The following SLC16A12 variants were observed in gnomAD, a reference collection of about 807,000 sequenced individuals.
The protein encoded by SLC16A12 is monocarboxylate transporter 12.
SLC16A12 carries 17 observed loss-of-function variants against 42.4 expected under a neutral mutation model. That is an observed-to-expected ratio of 0.40 (90% CI 0.27 to 0.60). SLC16A12 has a LOEUF of 0.60. SLC16A12 is among the 20% of genes least tolerant of loss of function. The probability of loss-of-function intolerance (pLI) is 0.42; values close to 1 mark genes in which losing one functional copy is unlikely to be tolerated. For synonymous variants in SLC16A12, 224 were observed against 229.4 expected (o/e 0.98, Z 0.21); for missense variants, 544 against 623.0 (o/e 0.87, Z 1.35).
At chr10:89,452,867 C>T (rs945474843) in intron 3 of SLC16A12, among the ~76,000 whole-genome samples, 2 of 152,200 alleles carry the variant, frequency 1.3e-5, no homozygotes, top group Admixed American at 6.5e-5. Flanking sequence ...CAGCCATTGG[C>T]GGTGGGTGCC....
chr10:89,523,451 A>G (rs542624997), intron 2 of SLC16A12, among the ~76,000 whole-genome samples: 2 of 152,288 alleles, frequency 1.3e-5, no homozygotes, highest in African/African-American at 4.8e-5. Flanking sequence ...TTACTCTGGC[A>G]TTCTTAATTG....
chr10:89,510,687 T>C (rs970751553), intron 2 of SLC16A12, among the ~76,000 whole-genome samples: 9 of 152,102 alleles, frequency 5.9e-5, no homozygotes, highest in African/African-American at 2.2e-4. Flanking sequence ...ACTTCACGAC[T>C]AAAACACCAA....
rs1392492628 is a variant in SLC16A12, at chr10:89,462,399, G to T, written c.180C>A (p.Ile60=). 1.9e-5 allele frequency: 30 copies of T among 1,614,052 alleles called. No homozygotes were observed. The highest frequency in any genetic ancestry group is 2.5e-5 in the Non-Finnish European group (30 of 1,179,950). The stretch of plus-strand genomic sequence containing the variant: ...CCTACCTTGTGACTGCCCGTGTGCA[G>T]ATGGTAACAAGGAAACAGCCAGCCA... ...MIVAGCFLVT[I]CTRAVTRCIS... Residue 60 remains isoleucine, a synonymous_variant, in exon 3 of 8, where the codon ATC becomes ATA. Coordinates refer to ENST00000371790, the MANE Select transcript of SLC16A12 (RefSeq NM_213606.4).
chr10:89,510,131 A>T (rs1843140364), intron 2 of SLC16A12, among the ~76,000 whole-genome samples: 1 of 152,240 alleles, frequency 6.6e-6, no homozygotes, highest in Non-Finnish European at 1.5e-5. Context: ...GATAGGAAGG[A>T]TCAATATCGT....
At position 89,430,682 on chromosome 10, in the gene SLC16A12, C is replaced by A. The variant is rs1004262104; in HGVS notation, c.*2382G>T. 1.5e-5 allele frequency: 7 copies of A among 465,774 alleles called. 1 individual carries two copies. Among genetic ancestry groups the A allele is most frequent in the Non-Finnish European group, 3.1e-5 (7 of 225,898 alleles). 28.9% of individuals were successfully genotyped at this position (465,774 alleles called of 1,614,324 possible). On this transcript the variant is annotated 3_prime_UTR_variant, in exon 8 of 8. Transcript: ENST00000371790. ...TACTGATTTTCTAAAAATGCTGCCT[C>A]AAAAGGGAAAGTAAAATGCAAATCT...
chr10:89,541,307 G>A (rs746608872), intron 2 of SLC16A12, among the ~76,000 whole-genome samples: 1 of 152,036 alleles, frequency 6.6e-6, no homozygotes, highest in African/African-American at 2.4e-5. Flanking sequence ...CAAAAAACAT[G>A]GATTGAGGAT....
intron 6 of SLC16A12, among the ~76,000 whole-genome samples, chr10:89,436,924 G>C (rs1023074817): frequency 7.1e-6 from 1 of 141,428 alleles, no homozygotes; most frequent in African/African-American, 2.7e-5. Flanking sequence ...AAAAGAAAGA[G>C]TGCATAAATC....
At chr10:89,527,355 T>G (rs1328501667) in intron 2 of SLC16A12, among the ~76,000 whole-genome samples, 1 of 151,746 alleles carries the variant, frequency 6.6e-6, no homozygotes, top group African/African-American at 2.4e-5. Flanking sequence ...TGGTGGCAGG[T>G]GCCTGTAATC....
chr10:89,554,101 A>G (rs1157993410), intron 2 of SLC16A12, among the ~76,000 whole-genome samples: 1 of 138,670 alleles, frequency 7.2e-6, no homozygotes, highest in African/African-American at 2.8e-5. Flanking sequence ...AGAAAGAAAG[A>G]AGGAAGGAAG....
At chr10:89,478,941 C>T (rs572201904) in intron 2 of SLC16A12, among the ~76,000 whole-genome samples, 79 of 152,270 alleles carry the variant, frequency 5.2e-4, no homozygotes, top group African/African-American at 1.8e-3. Flanking sequence ...CACATCTGCC[C>T]TCCCATCTTA....
chr10:89,453,355 C>T (rs1291776071), intron 3 of SLC16A12, among the ~76,000 whole-genome samples: 1 of 152,184 alleles, frequency 6.6e-6, no homozygotes, highest in African/African-American at 2.4e-5. Flanking sequence ...ACCACTAGGA[C>T]TTCAATTTAA....
At chr10:89,484,837 A>G (rs1424278606) in intron 2 of SLC16A12, among the ~76,000 whole-genome samples, 1 of 152,198 alleles carries the variant, frequency 6.6e-6, no homozygotes, top group African/African-American at 2.4e-5. Context: ...TACAAGGGAA[A>G]TTCCACTCCC....
chr10:89,466,836 G>T (rs1842408415), intron 2 of SLC16A12, among the ~76,000 whole-genome samples: 1 of 152,134 alleles, frequency 6.6e-6, no homozygotes, highest in Admixed American at 6.5e-5. Flanking sequence ...GGCCCCTGGG[G>T]CAGTAAGATT....
In SLC16A12 at chr10:89,455,721, T is replaced by C. The variant is rs147936061; in HGVS notation, c.200+6658A>G. Among the ~76,000 whole-genome samples the C allele has an allele frequency of 2.6e-5, 4 of 152,310 alleles. No homozygotes were observed. The East Asian group carries it at 7.7e-4, about 29-fold the overall frequency. On this transcript the variant is annotated intron_variant, in intron 3 of 7. Transcript: ENST00000371790. ...ATTATTTTGGTTGTTCTTTGGAATA[T>C]TTTACAGTGAAGCAGGGTCCTGATC...
At chr10:89,436,788 A>AGAAAG (rs1474537954) in intron 6 of SLC16A12, among the ~76,000 whole-genome samples, 2 of 150,434 alleles carry the variant, frequency 1.3e-5, no homozygotes, top group Non-Finnish European at 3.0e-5. Context: ...AAAAAAAGAA[A>AGAAAG]GAAAGGAAAG....
intron 2 of SLC16A12, among the ~76,000 whole-genome samples, chr10:89,488,501 G>A (rs1398048637): frequency 1.3e-5 from 2 of 152,132 alleles, no homozygotes; most frequent in Non-Finnish European, 2.9e-5. Context: ...GTGCTAATAA[G>A]GACTTAGGAA....
At chr10:89,549,305 T>C (rs1200974456) in intron 2 of SLC16A12, among the ~76,000 whole-genome samples, 3 of 152,236 alleles carry the variant, frequency 2.0e-5, no homozygotes, top group Non-Finnish European at 2.9e-5. Context: ...TTCAGTTTCT[T>C]TGCAGTAAGT....
chr10:89,551,465 G>T (rs1404096642), intron 2 of SLC16A12, among the ~76,000 whole-genome samples: 1 of 151,992 alleles, frequency 6.6e-6, no homozygotes, highest in Non-Finnish European at 1.5e-5. Context: ...TAAATAAAAA[G>T]TCCCAAGTTC....
chr10:89,438,028 T>C (rs1189598177), intron 6 of SLC16A12, among the ~76,000 whole-genome samples: 1 of 151,868 alleles, frequency 6.6e-6, no homozygotes, highest in Admixed American at 6.6e-5. Flanking sequence ...TCAGGACTGG[T>C]TCAAAAGAAA....
Sources: allele counts gnomAD v4.1 joint callset (sites outside exome capture counted in the v4.1 genomes callset), GRCh38; gene constraint gnomAD v4.1.1; transcripts MANE v1.5; gene names NCBI Gene and HGNC (gene_info 2026-07-23, HGNC 2026-07-21).